The following SMIM18 variants were observed in gnomAD, a reference collection of about 807,000 sequenced individuals.
SMIM18 encodes small integral membrane protein 18.
A neutral mutation model predicts 5.9 loss-of-function variants in SMIM18; 4 were observed. The observed-to-expected ratio is 0.68, with a 90% CI of 0.33 to 1.56. The LOEUF is 1.56. Among genes scored for constraint, SMIM18 ranks in the 40% most tolerant of loss-of-function variants. SMIM18 has a pLI of 0.06. For synonymous variants in SMIM18, 37 were observed against 37.4 expected (o/e 0.99, Z 0.04); for missense variants, 89 against 109.7 (o/e 0.81, Z 0.84).
At chr8:30,642,362 A>C (rs1801876277) in intron 1 of SMIM18, among the ~76,000 whole-genome samples, 1 of 152,118 alleles carries the variant, frequency 6.6e-6, no homozygotes, top group Non-Finnish European at 1.5e-5. Flanking sequence ...GCAGGAATAA[A>C]AGAATGGTTA....
intron 1 of SMIM18, among the ~76,000 whole-genome samples, chr8:30,639,508 TAAG>T (rs1016538860): frequency 6.6e-5 from 10 of 151,814 alleles, no homozygotes; most frequent in African/African-American, 2.2e-4. Flanking sequence ...AAATATGTCC[TAAG>T]AAGAACTGGT....
intron 2 of SMIM18, 89 bp from the exon 3 acceptor site, chr8:30,645,192 T>A (rs1023255950): frequency 1.7e-6 from 2 of 1,152,534 alleles, no homozygotes; most frequent in Admixed American, 2.9e-5. Flanking sequence ...ATGTTGCCTA[T>A]ACAAATTTAC....
Position 30,645,296 on chromosome 8 carries a change from T to C in SMIM18, c.-14T>C. ...TTTTTTATAGATTCAAAAGAGCAAGTGGAATCTCTAAGAATGGCTTCCAGC... is the reference window on the plus strand; with the variant it reads ...TTTTTTATAGATTCAAAAGAGCAAGCGGAATCTCTAAGAATGGCTTCCAGC... On this transcript the variant is annotated 5_prime_UTR_variant, in exon 3 of 3. Transcript: ENST00000517349. The C allele has an allele frequency of 6.5e-7, 1 of 1,528,938 alleles. No homozygotes were observed. Among genetic ancestry groups the C allele is most frequent in the Non-Finnish European group, 8.7e-7 (1 of 1,144,462 alleles). The allele number at this position is 1,528,938 out of a possible 1,614,324, so 94.7% of individuals were successfully genotyped here.
chr8:30,638,956 G>C (rs569904430), intron 1 of SMIM18, among the ~76,000 whole-genome samples: 239 of 152,176 alleles, frequency 1.6e-3, no homozygotes, highest in Non-Finnish European at 3.0e-3. Flanking sequence ...CATTTTCTCT[G>C]AGCGATTTCA....
chr8:30,639,906 T>C (rs1801753946), intron 1 of SMIM18, among the ~76,000 whole-genome samples: 1 of 152,058 alleles, frequency 6.6e-6, no homozygotes, highest in Non-Finnish European at 1.5e-5. Flanking sequence ...GGGTTAATTA[T>C]CTAGAAACCA....
At chr8:30,641,887 A>G in intron 1 of SMIM18, among the ~76,000 whole-genome samples, 1 of 152,188 alleles carries the variant, frequency 6.6e-6, no homozygotes, top group East Asian at 1.9e-4. Flanking sequence ...AACCAAAAAC[A>G]AACTCCTGTG....
intron 1 of SMIM18, among the ~76,000 whole-genome samples, chr8:30,642,780 A>G (rs1367843786): frequency 6.6e-6 from 1 of 152,246 alleles, no homozygotes; most frequent in African/African-American, 2.4e-5. Context: ...TGAATAAACT[A>G]TATTAATTTA....
Position 30,640,971 on chromosome 8 carries a change from C to T in SMIM18, c.-111+2332C>T, listed in dbSNP as rs575278457. Among the ~76,000 whole-genome samples the T allele has an allele frequency of 1.2e-4, 18 of 152,292 alleles. 1 individual carries two copies. The East Asian group carries it at 3.5e-3, about 29-fold the overall frequency. ...CTGCCTGCCTCAGCCTCCCAGAGTG[C>T]TAGGATTACAGGCCTAATGGTATAT... is the stretch of plus-strand genomic sequence containing the variant. On this transcript the variant is annotated intron_variant, in intron 1 of 2. Coordinates refer to ENST00000517349, the MANE Select transcript of SMIM18 (RefSeq NM_001206847.2).
At position 30,645,592 on chromosome 8, in the gene SMIM18, G is replaced by T. The variant is rs1353105644; in HGVS notation, c.283G>T (p.Val95Phe). 6.5e-7 allele frequency: 1 copy of T among 1,534,972 alleles called. No homozygotes were observed. Among genetic ancestry groups the T allele is most frequent in the East Asian group, 2.4e-5 (1 of 40,912 alleles). The change falls in exon 3 of 3, where the codon GTC (valine) becomes TTC (phenylalanine). Residue 95 changes from valine to phenylalanine, a missense_variant. Coordinates refer to ENST00000517349, the MANE Select transcript of SMIM18 (RefSeq NM_001206847.2). ...CATCAGAAAACGTGAAACTGAAGTG[G>T]TCTAACACTCTATAGAAGATGAACA... ...DNIRKRETEV[V>F]
intron 1 of SMIM18, among the ~76,000 whole-genome samples, chr8:30,641,445 C>T (rs1251977766): frequency 6.6e-6 from 1 of 152,180 alleles, no homozygotes; most frequent in Non-Finnish European, 1.5e-5. Flanking sequence ...TCACTGCAAC[C>T]TCAACCTCCT....
At chr8:30,642,505 T>C (rs866058316) in intron 1 of SMIM18, among the ~76,000 whole-genome samples, 7 of 152,336 alleles carry the variant, frequency 4.6e-5, no homozygotes, top group Middle Eastern at 3.4e-3. Context: ...ATTTAAATTG[T>C]TGAAAAAACA....
At chr8:30,643,246 T>G (rs1008264159) in intron 1 of SMIM18, among the ~76,000 whole-genome samples, 1 of 152,180 alleles carries the variant, frequency 6.6e-6, no homozygotes, top group Non-Finnish European at 1.5e-5. Context: ...TTGGGAGATA[T>G]ATATTGAAAT....
At chr8:30,639,124 A>T (rs1252873292) in intron 1 of SMIM18, among the ~76,000 whole-genome samples, 1 of 152,220 alleles carries the variant, frequency 6.6e-6, no homozygotes, top group Non-Finnish European at 1.5e-5. Context: ...TTTTTAGAAT[A>T]TGAGAAAATA....
At chr8:30,638,723 G>A (rs1801696415) in intron 1 of SMIM18, 84 bp downstream of exon 1, 1 of 152,558 alleles carries the variant, frequency 6.6e-6, no homozygotes, top group African/African-American at 2.4e-5. Flanking sequence ...AAATCAACCA[G>A]AAAGCTTTGC....
At chr8:30,645,143 A>T in intron 2 of SMIM18, 138 bp from the exon 3 acceptor site, 1 of 764,296 alleles carries the variant, frequency 1.3e-6, no homozygotes, top group South Asian at 2.0e-5. Flanking sequence ...ATACAAAAAA[A>T]TTCAAAACTA....
chr8:30,643,344 T>C (rs957073836), intron 1 of SMIM18: 2 of 152,028 alleles, frequency 1.3e-5, no homozygotes, highest in Non-Finnish European at 2.9e-5. Context: ...GGCCAAGAGT[T>C]GATGAATGAA....
At position 30,645,305 on chromosome 8, in the gene SMIM18, T is replaced by C. The variant is rs1425245395; in HGVS notation, c.-5T>C. 2.6e-6 allele frequency: 4 copies of C among 1,533,586 alleles called. No individual in the cohort carries two copies. In the East Asian group the frequency reaches 7.3e-5, roughly 28 times the overall value. The allele number at this position is 1,533,586 out of a possible 1,614,324, so 95.0% of individuals were successfully genotyped here. A position where few individuals can be genotyped will look rare whatever the true frequency, so the allele number is the denominator to read the frequency against. On this transcript the variant is annotated 5_prime_UTR_variant, in exon 3 of 3. Transcript: ENST00000517349. ...GATTCAAAAGAGCAAGTGGAATCTC[T>C]AAGAATGGCTTCCAGCCACTGGAAT...
At chr8:30,639,105 T>C (rs892129385) in intron 1 of SMIM18, among the ~76,000 whole-genome samples, 1 of 152,226 alleles carries the variant, frequency 6.6e-6, no homozygotes, top group Admixed American at 6.5e-5. Flanking sequence ...ATAAGAAAGT[T>C]TGTTATATTT....
chr8:30,639,853 T>C (rs1004580204), intron 1 of SMIM18, among the ~76,000 whole-genome samples: 2 of 151,950 alleles, frequency 1.3e-5, no homozygotes, highest in African/African-American at 4.8e-5. Flanking sequence ...AACCCAAAGG[T>C]TGCTGTAATA....
Sources: allele counts gnomAD v4.1 joint callset (sites outside exome capture counted in the v4.1 genomes callset), GRCh38; gene constraint gnomAD v4.1.1; transcripts MANE v1.5; gene names NCBI Gene and HGNC (gene_info 2026-07-23, HGNC 2026-07-21).